PDCD10: variants seen among roughly 807,000 people sequenced by gnomAD.
PDCD10 encodes the protein programmed cell death 10.
PDCD10 carries 4 observed loss-of-function variants against 29.2 expected under a neutral mutation model. That is an observed-to-expected ratio of 0.14 (90% CI 0.07 to 0.31). The LOEUF (loss-of-function observed/expected upper bound fraction) is 0.31. Among genes scored for constraint, PDCD10 ranks in the 10% least tolerant of loss-of-function variants. The pLI is 1.00. For missense variants in PDCD10, 183 were observed against 257.9 expected (o/e 0.71, Z 1.99); for synonymous variants, 70 against 82.2 (o/e 0.85, Z 0.80).
intron 3 of PDCD10, among the ~76,000 whole-genome samples, chr3:167,717,738 A>C (rs924299199): frequency 6.6e-6 from 1 of 152,052 alleles, no homozygotes; most frequent in Non-Finnish European, 1.5e-5. Context: ...AAACCCTAAT[A>C]AGTACCATCC....
intron 3 of PDCD10, among the ~76,000 whole-genome samples, chr3:167,711,079 A>G (rs1199081128): frequency 1.3e-5 from 2 of 152,160 alleles, no homozygotes; most frequent in Non-Finnish European, 2.9e-5. Flanking sequence ...GACTGCAACA[A>G]CTACAATAAA....
chr3:167,713,686 CAAAT>C (rs1385659521), intron 3 of PDCD10, among the ~76,000 whole-genome samples: 2 of 151,696 alleles, frequency 1.3e-5, no homozygotes, highest in African/African-American at 4.8e-5. Context: ...AAAGAAGACC[CAAAT>C]AAATAAAATC....
At chr3:167,694,034 A>G (rs1559950772) in intron 6 of PDCD10, among the ~76,000 whole-genome samples, 2 of 152,130 alleles carry the variant, frequency 1.3e-5, no homozygotes, top group Non-Finnish European at 2.9e-5. Flanking sequence ...ATAAAAACTA[A>G]CCACCCATCT....
chr3:167,712,429 C>T (rs1722610584), intron 3 of PDCD10, among the ~76,000 whole-genome samples: 1 of 151,680 alleles, frequency 6.6e-6, no homozygotes, highest in Non-Finnish European at 1.5e-5. Flanking sequence ...ATAGTGTTTG[C>T]AAGCCTTATG....
At chr3:167,689,405 A>C (rs1719974992) in intron 6 of PDCD10, among the ~76,000 whole-genome samples, 1 of 152,230 alleles carries the variant, frequency 6.6e-6, no homozygotes. Context: ...GTGATCAGAC[A>C]GAAGTTTATA....
At chr3:167,729,690 A>T (rs1412786300) in intron 2 of PDCD10, among the ~76,000 whole-genome samples, 1 of 152,200 alleles carries the variant, frequency 6.6e-6, no homozygotes, top group East Asian at 1.9e-4. Flanking sequence ...AATGCTAGCT[A>T]TTATATTAGG....
At chr3:167,727,168 G>T (rs1210306370) in intron 2 of PDCD10, among the ~76,000 whole-genome samples, 1 of 152,170 alleles carries the variant, frequency 6.6e-6, no homozygotes, top group Non-Finnish European at 1.5e-5. Flanking sequence ...CAAAGCCCTT[G>T]AGATAATTCA....
intron 3 of PDCD10, among the ~76,000 whole-genome samples, chr3:167,714,206 A>C (rs1286740940): frequency 5.3e-5 from 8 of 152,120 alleles, no homozygotes; most frequent in Admixed American, 5.2e-4. Context: ...AAGGAGATTT[A>C]TCCCAGGACG....
chr3:167,709,451 A>G (rs1722309547), intron 3 of PDCD10, among the ~76,000 whole-genome samples: 1 of 152,112 alleles, frequency 6.6e-6, no homozygotes, highest in African/African-American at 2.4e-5. Flanking sequence ...AGCAACTGGG[A>G]GACTTTGTAC....
intron 8 of PDCD10, among the ~76,000 whole-genome samples, chr3:167,685,396 C>CAAAAAAA (rs1184281849): frequency 8.9e-5 from 5 of 55,954 alleles, no homozygotes; most frequent in African/African-American, 2.2e-4. Context: ...ACTCTGTCTC[C>CAAAAAAA]AAAAAAAAAA....
rs1257980538 is a variant in PDCD10 at position 167,683,543 on chromosome 3, C to A, written c.*765G>T. On this transcript the variant is annotated 3_prime_UTR_variant, in exon 9 of 9. Coordinates refer to ENST00000392750, the MANE Select transcript of PDCD10 (RefSeq NM_007217.4). ...TTATGAGGGCCCAGTATACGAAAGG[C>A]TTAATTTTTAAGAGTCAAATCTACA... 1 of 151,756 alleles carries A rather than the reference C, an allele frequency of 6.6e-6. No homozygotes were observed. Among genetic ancestry groups the A allele is most frequent in the East Asian group, 1.9e-4 (1 of 5,186 alleles). The allele number at this position is 151,756 out of a possible 1,614,324, so 9.4% of individuals were successfully genotyped here.
chr3:167,694,635 G>C (rs1302366471), intron 6 of PDCD10: 1 of 152,626 alleles, frequency 6.6e-6, no homozygotes, highest in Non-Finnish European at 1.5e-5. Context: ...CCGTCCTCTT[G>C]GGCATCCTGG....
chr3:167,723,798 A>G (rs1206560497), intron 2 of PDCD10, among the ~76,000 whole-genome samples: 3 of 152,218 alleles, frequency 2.0e-5, no homozygotes, highest in Admixed American at 6.5e-5. Context: ...TTTTAAACAC[A>G]CTTTTCTTCA....
intron 3 of PDCD10, among the ~76,000 whole-genome samples, chr3:167,709,404 T>C (rs981959674): frequency 2.6e-5 from 4 of 152,086 alleles, no homozygotes; most frequent in South Asian, 2.1e-4. Flanking sequence ...CTGTGTGGCA[T>C]GGACAAAGAA....
chr3:167,728,012 AAATACT>A (rs753822845), intron 2 of PDCD10, among the ~76,000 whole-genome samples: 7 of 152,198 alleles, frequency 4.6e-5, no homozygotes, highest in Non-Finnish European at 8.8e-5. Flanking sequence ...TCTCAAATAC[AAATACT>A]ATTTCTTACA....
At chr3:167,689,913 A>G (rs1307459150) in intron 6 of PDCD10, among the ~76,000 whole-genome samples, 1 of 152,232 alleles carries the variant, frequency 6.6e-6, no homozygotes, top group African/African-American at 2.4e-5. Context: ...TGTACACAGA[A>G]AAGTATTTTC....
At chr3:167,706,742 A>T (rs1722012219) in intron 3 of PDCD10, among the ~76,000 whole-genome samples, 1 of 152,180 alleles carries the variant, frequency 6.6e-6, no homozygotes, top group African/African-American at 2.4e-5. Flanking sequence ...TTTCTTCCTC[A>T]TATGGTATTG....
chr3:167,698,724 T>C (rs1281491137), intron 4 of PDCD10, among the ~76,000 whole-genome samples: 1 of 148,774 alleles, frequency 6.7e-6, no homozygotes, highest in East Asian at 1.9e-4. Flanking sequence ...CATAATGAAT[T>C]ATCTTGGGGA....
In PDCD10 at chr3:167,695,651, G is replaced by T. The variant is rs1311667676; in HGVS notation, c.340C>A (p.Leu114Ile). The T allele has an allele frequency of 6.2e-7, 1 of 1,612,858 alleles. No homozygotes were observed. Among genetic ancestry groups the T allele is most frequent in the Non-Finnish European group, 8.5e-7 (1 of 1,178,982 alleles). ...TTGATCTCATCTGGGATCTTACTGA[G>T]AATTTGTTTAAGTGCTCGTGCCTTT... The part of the protein sequence containing the change: ...NEKARALKQI[L>I]SKIPDEINDR... The change falls in exon 6 of 9, where the codon CTC becomes ATC. Residue 114 changes from leucine (L) to isoleucine (I), a missense_variant. Physicochemically the swap from Leu to Ile is conservative, Grantham distance 5 (BLOSUM62 2). Coordinates refer to ENST00000392750, the MANE Select transcript of PDCD10 (RefSeq NM_007217.4).
Sources: gnomAD v4.1 joint callset for allele counts (sites outside exome capture counted in the v4.1 genomes callset) on GRCh38, gnomAD v4.1.1 for gene constraint, MANE v1.5 for transcripts, NCBI Gene and HGNC (gene_info 2026-07-23, HGNC 2026-07-21) for gene names.